KCNV2: variants seen among roughly 807,000 people sequenced by gnomAD.
KCNV2 encodes the protein potassium voltage-gated channel modifier subfamily V member 2.
A neutral mutation model predicts 37.0 loss-of-function variants in KCNV2; 65 were observed. That is an observed-to-expected ratio of 1.76 (90% confidence interval 1.44 to 2.16). KCNV2 has a LOEUF of 2.16. Ranked by LOEUF, KCNV2 falls within the 30% of genes most tolerant of loss-of-function variation. KCNV2 has a pLI of 0.00. For missense variants in KCNV2, 1,232 were observed against 766.7 expected (o/e 1.61, Z -7.17); for synonymous variants, 518 against 328.6 (o/e 1.58, Z -6.23).
In KCNV2 at chr9:2,729,491, C is replaced by T. The variant is rs761301300; in HGVS notation, c.1402C>T (p.His468Tyr). Residue 468 changes from histidine to tyrosine, a missense_variant, in exon 2 of 2, where the codon CAC (histidine) becomes TAC (tyrosine). By Grantham distance (83) the His-to-Tyr change is moderately conservative (BLOSUM62 2). Transcript: ENST00000382082. ...VGYGDMYPET[H>Y]LGRFFAFLCI... ...CTACGGAGACATGTACCCAGAGACCCACCTGGGCAGGTTTTTTGCCTTCCT... is the reference window on the plus strand; with the variant it reads ...CTACGGAGACATGTACCCAGAGACCTACCTGGGCAGGTTTTTTGCCTTCCT... 1.4e-5 allele frequency: 23 copies of T among 1,613,954 alleles called. 1 individual carries two copies. The highest frequency in any genetic ancestry group is 3.3e-5 in the Admixed American group (2 of 60,002).
chr9:2,727,194 G>C (rs1819982300), intron 1 of KCNV2, among the ~76,000 whole-genome samples: 1 of 151,870 alleles, frequency 6.6e-6, no homozygotes, highest in African/African-American at 2.4e-5. Context: ...AGAGAGATCA[G>C]CCTGGGGTTC....
chr9:2,726,500 G>T (rs1360515895), intron 1 of KCNV2, among the ~76,000 whole-genome samples: 1 of 151,730 alleles, frequency 6.6e-6, no homozygotes, highest in Non-Finnish European at 1.5e-5. Context: ...AAAAAAAAAA[G>T]AAGTTTGGCT....
chr9:2,726,563 G>C (rs1445641946), intron 1 of KCNV2, among the ~76,000 whole-genome samples: 1 of 152,124 alleles, frequency 6.6e-6, no homozygotes, highest in Non-Finnish European at 1.5e-5. Context: ...AAAATAAGCA[G>C]TTTATCTTAA....
rs111252100 is a variant in KCNV2, at chr9:2,726,489, CA to C, written c.1357-2947del. Among the ~76,000 whole-genome samples, 92 of 144,660 alleles carry C rather than the reference CA, an allele frequency of 6.4e-4. 1 individual carries two copies. The highest frequency in any genetic ancestry group is 1.9e-3 in the African/African-American group (76 of 39,618). The allele number at this position is 144,660 out of a possible 152,430, so 94.9% of individuals were successfully genotyped here. A position where few individuals can be genotyped will look rare whatever the true frequency, so the allele number is the denominator to read the frequency against. ...TTTGACTTTTCACTCAAAGTTCAGC[CA>C]AAAAAAAAAGAAGTTTGGCTTAAGG... On this transcript the variant is annotated intron_variant, in intron 1 of 1. Coordinates refer to ENST00000382082, the MANE Select transcript of KCNV2 (RefSeq NM_133497.4).
rs776795213 is a variant in KCNV2 at position 2,719,119 on chromosome 9, TC to T, written c.1356+27del. On this transcript the variant is annotated intron_variant, in intron 1 of 1. Coordinates refer to ENST00000382082, the MANE Select transcript of KCNV2 (RefSeq NM_133497.4). Reference sequence around the variant, plus strand: ...CGGTGAGTACCTTTGCCCTGGGCTTTCCCATCCTCTTCCCCAGCCCAGTGAG... The same window carrying T: ...CGGTGAGTACCTTTGCCCTGGGCTTTCCATCCTCTTCCCCAGCCCAGTGAG... The T allele has an allele frequency of 3.2e-4, 508 of 1,603,382 alleles. 1 individual carries two copies. The highest frequency in any genetic ancestry group is 5.2e-4 in the Middle Eastern group (3 of 5,764).
In KCNV2 at chr9:2,718,155, G is replaced by A. The variant is rs1362037820; in HGVS notation, c.416G>A (p.Cys139Tyr). 4 of 1,611,936 alleles carry A rather than the reference G, an allele frequency of 2.5e-6. No individual in the cohort carries two copies. Among genetic ancestry groups the A allele is most frequent in the African/African-American group, 2.7e-5 (2 of 74,930 alleles). ...STSRSRQLSLCDDYEEQTDEY... is the reference protein window; with the variant it reads ...STSRSRQLSLYDDYEEQTDEY... ...AGCCGCAGCCGCCAGCTAAGCCTGT[G>A]CGACGACTACGAGGAGCAGACAGAC... Residue 139 changes from cysteine (C) to tyrosine (Y), a missense_variant, in exon 1 of 2, where the codon TGC (cysteine) becomes TAC (tyrosine). Cys to Tyr is a radical substitution (Grantham distance 194). Transcript: ENST00000382082.
In KCNV2 at chr9:2,718,246, G is replaced by A. The variant is rs1819777840; in HGVS notation, c.507G>A (p.Val169=). 9 of 1,613,232 alleles carry A rather than the reference G, an allele frequency of 5.6e-6. No individual in the cohort carries two copies. Among genetic ancestry groups the A allele is most frequent in the Non-Finnish European group, 7.6e-6 (9 of 1,179,944 alleles). The part of the protein sequence containing the change: ...QLVYNFYLSG[V]LLVLDGLCPR... ...TCTACAATTTCTACCTGTCCGGGGT[G>A]CTGCTGGTGCTCGACGGGCTGTGTC... Residue 169 remains valine (V), a synonymous_variant, in exon 1 of 2, where the codon GTG becomes GTA. Coordinates refer to ENST00000382082, the MANE Select transcript of KCNV2 (RefSeq NM_133497.4).
Position 2,718,220 on chromosome 9 carries a change from G to C in KCNV2, c.481G>C (p.Val161Leu), listed in dbSNP as rs760548669. Reference protein sequence around the residue: ...FDRDPAVFQLVYNFYLSGVLL... With the variant: ...FDRDPAVFQLLYNFYLSGVLL... ...CCGCGACCCGGCCGTCTTCCAGCTG[G>C]TCTACAATTTCTACCTGTCCGGGGT... Residue 161 changes from valine to leucine, a missense_variant, in exon 1 of 2, where the codon GTC (valine) becomes CTC (leucine). Val to Leu is a conservative substitution (Grantham distance 32). Transcript: ENST00000382082. 6.2e-7 allele frequency: 1 copy of C among 1,613,438 alleles called. No individual in the cohort carries two copies. Among genetic ancestry groups the C allele is most frequent in the Admixed American group, 1.7e-5 (1 of 59,992 alleles).
Position 2,718,571 on chromosome 9 carries a change from G to T in KCNV2, c.832G>T (p.Ala278Ser). Residue 278 changes from alanine (A) to serine (S), a missense_variant, in exon 1 of 2, where the codon GCG (alanine) becomes TCG (serine). Physicochemically the swap from Ala to Ser is moderately conservative, Grantham distance 99. Transcript: ENST00000382082. ...CGTGCTCGTCTCCGTGGTGGCGCTG[G>T]CGCTCAACACCGTGGAGGAGATGCA... ...TFVLVSVVAL[A>S]LNTVEEMQQH... 1.2e-6 allele frequency: 2 copies of T among 1,612,750 alleles called. No individual in the cohort carries two copies. Among genetic ancestry groups the T allele is most frequent in the Non-Finnish European group, 1.7e-6 (2 of 1,179,748 alleles).
chr9:2,724,386 T>C (rs1323472669), intron 1 of KCNV2, among the ~76,000 whole-genome samples: 1 of 152,138 alleles, frequency 6.6e-6, no homozygotes, highest in Non-Finnish European at 1.5e-5. Flanking sequence ...GGAAAATAGA[T>C]ACCAAGGTGA....
intron 1 of KCNV2, among the ~76,000 whole-genome samples, chr9:2,728,573 G>C (rs920430654): frequency 2.6e-5 from 4 of 152,160 alleles, no homozygotes; most frequent in African/African-American, 9.7e-5. Flanking sequence ...AAGAGTAATG[G>C]GAAGTATTTC....
Position 2,718,695 on chromosome 9 carries a change from T to C in KCNV2, c.956T>C (p.Leu319Pro). 2 of 1,613,292 alleles carry C rather than the reference T, an allele frequency of 1.2e-6. No homozygotes were observed. Among genetic ancestry groups the C allele is most frequent in the Non-Finnish European group, 1.7e-6 (2 of 1,179,844 alleles). Residue 319 changes from leucine to proline, a missense_variant, in exon 1 of 2, where the codon CTG (leucine) becomes CCG (proline). Coordinates refer to ENST00000382082, the MANE Select transcript of KCNV2 (RefSeq NM_133497.4). ...CMGFFTLEYL[L>P]RLASTPDLRR... ...GGCTTCTTCACGCTCGAGTACCTGC[T>C]GCGCCTAGCCTCCACGCCCGACCTG...
chr9:2,720,197 C>A (rs570779544), intron 1 of KCNV2, among the ~76,000 whole-genome samples: 3 of 152,294 alleles, frequency 2.0e-5, no homozygotes, highest in African/African-American at 7.2e-5. Flanking sequence ...CTGAGACAAA[C>A]CAACCCAAGG....
In KCNV2 at chr9:2,729,428, G is replaced by T. The variant is rs1216791936; in HGVS notation, c.1357-18G>T. 1.2e-6 allele frequency: 2 copies of T among 1,612,550 alleles called. No individual in the cohort carries two copies. Among genetic ancestry groups the T allele is most frequent in the African/African-American group, 2.7e-5 (2 of 74,846 alleles). ...ATCTTAGTGCTAACAATTCCATCCTGCTTTCCTTCCTCTACAGGTGAGCAT... is the reference window on the plus strand; with the variant it reads ...ATCTTAGTGCTAACAATTCCATCCTTCTTTCCTTCCTCTACAGGTGAGCAT... On this transcript the variant is annotated intron_variant, in intron 1 of 1. Coordinates refer to ENST00000382082, the MANE Select transcript of KCNV2 (RefSeq NM_133497.4).
Position 2,729,502 on chromosome 9 carries a change from GT to G in KCNV2, c.1419del (p.Phe473LeufsTer31). 1 of 1,614,080 alleles carries G rather than the reference GT, an allele frequency of 6.2e-7. No individual in the cohort carries two copies. Among genetic ancestry groups the G allele is most frequent in the African/African-American group, 1.3e-5 (1 of 75,008 alleles). On this transcript the variant is annotated frameshift_variant, in exon 2 of 2. Transcript: ENST00000382082. LOFTEE classifies it high-confidence loss of function. ...TGTACCCAGAGACCCACCTGGGCAG[GT>G]TTTTTGCCTTCCTCTGCATTGCTTT... The part of the protein sequence containing the change: ...DMYPETHLGR[F>X]FAFLCIAFGI...
At chr9:2,727,516 G>T (rs554537263) in intron 1 of KCNV2, among the ~76,000 whole-genome samples, 154 of 152,238 alleles carry the variant, frequency 1.0e-3, no homozygotes, top group African/African-American at 3.5e-3. Context: ...TCACCCCTTG[G>T]TCCAGAAGTT....
At position 2,722,303 on chromosome 9, in the gene KCNV2, TAGAAGTTATTTATAA is replaced by T. The variant is rs1563797882; in HGVS notation, c.1356+3210_1356+3224del. ...TACAAATTAGAAGTTATTTATAAAT[TAGAAGTTATTTATAA>T]ATAAATTAGAAGTTATTTATAAATA... On this transcript the variant is annotated intron_variant, in intron 1 of 1. Coordinates refer to ENST00000382082, the MANE Select transcript of KCNV2 (RefSeq NM_133497.4). Among the ~76,000 whole-genome samples the T allele has an allele frequency of 4.4e-3, 555 of 126,092 alleles. 38 individuals carry two copies. The highest frequency in any genetic ancestry group is 5.5e-3 in the Admixed American group (71 of 12,862). The allele number at this position is 126,092 out of a possible 152,430, so 82.7% of individuals were successfully genotyped here.
At chr9:2,720,353 G>A (rs1819843353) in intron 1 of KCNV2, 1 of 152,076 alleles carries the variant, frequency 6.6e-6, no homozygotes, top group African/African-American at 2.4e-5. Flanking sequence ...CCTCTAAAAG[G>A]GGAGGCTGGA....
chr9:2,717,940 G>T lies in KCNV2; in HGVS notation c.201G>T (p.Trp67Cys), dbSNP rs771193813. ...AAGACGGCGAGGAGGAGGACCAGTGGAAGGACGACCTGGCAGAAGAGGACC... is the reference window on the plus strand; with the variant it reads ...AAGACGGCGAGGAGGAGGACCAGTGTAAGGACGACCTGGCAGAAGAGGACC... ...EDEDGEEEDQ[W>C]KDDLAEEDQQ... is the part of the protein sequence containing the mutation. Residue 67 changes from tryptophan to cysteine, a missense_variant, in exon 1 of 2, where the codon TGG becomes TGT. By Grantham distance (215) the Trp-to-Cys change is radical. Coordinates refer to ENST00000382082, the MANE Select transcript of KCNV2 (RefSeq NM_133497.4). The T allele has an allele frequency of 1.2e-5, 20 of 1,613,948 alleles. No homozygotes were observed. In the East Asian group the frequency reaches 4.0e-4, roughly 32 times the overall value.
Sources: allele counts gnomAD v4.1 joint callset (sites outside exome capture counted in the v4.1 genomes callset), GRCh38; gene constraint gnomAD v4.1.1; transcripts MANE v1.5; gene names NCBI Gene and HGNC (gene_info 2026-07-23, HGNC 2026-07-21).